LRRC31: variants seen among roughly 807,000 people sequenced by gnomAD.
The protein encoded by LRRC31 is leucine-rich repeat-containing protein 31.
In LRRC31, 35 loss-of-function variants were observed where a neutral mutation model predicts 46.7. The ratio of observed to expected loss-of-function variants is 0.75; its 90% confidence interval spans 0.57 to 0.99. LRRC31 has a LOEUF of 0.99. Among genes scored for constraint, LRRC31 ranks in the 50% least tolerant of loss-of-function variants. The pLI is 0.00. For synonymous variants in LRRC31, 236 were observed against 235.1 expected (o/e 1.00, Z -0.03); for missense variants, 613 against 626.1 (o/e 0.98, Z 0.22).
chr3:169,841,583 C>T (rs965023119), intron 8 of LRRC31, among the ~76,000 whole-genome samples: 6 of 152,130 alleles, frequency 3.9e-5, no homozygotes, highest in Admixed American at 6.5e-5. Context: ...ACAATGTGCA[C>T]GCTTTTTCTC....
In LRRC31 at chr3:169,851,729, T is replaced by A; in HGVS notation, c.1049A>T (p.Lys350Met). The A allele has an allele frequency of 6.2e-7, 1 of 1,614,164 alleles. No individual in the cohort carries two copies. The highest frequency in any genetic ancestry group is 1.1e-5 in the South Asian group (1 of 91,090). The change falls in exon 7 of 9, where the codon AAG becomes ATG. Residue 350 changes from lysine to methionine, a missense_variant. Lys to Met is a moderately conservative substitution (Grantham distance 95). Transcript: ENST00000316428. ...LQELDLSANK[K>M]MGSSSENLLS... ...TAAGTTTTCAGAAGAACTGCCCATC[T>A]TTTTGTTGGCTGATAAATCCAATTC...
intron 6 of LRRC31, 141 bp from the exon 7 acceptor site, chr3:169,851,927 A>C (rs1003003857): frequency 1.3e-4 from 98 of 737,700 alleles, no homozygotes; most frequent in East Asian, 5.4e-5. Flanking sequence ...TACACCCCAA[A>C]CCAGCCTCTT....
intron 1 of LRRC31, among the ~76,000 whole-genome samples, chr3:169,867,054 TGTTTG>T (rs551234433): frequency 0.015 from 1,891 of 129,402 alleles, 347 homozygotes; most frequent in African/African-American, 0.073. Flanking sequence ...TTTGTTTGTT[TGTTTG>T]TTTTTTTTTT....
In LRRC31 at chr3:169,839,998, T is replaced by C; in HGVS notation, c.1643A>G (p.His548Arg). The change falls in exon 9 of 9, where the codon CAT (histidine) becomes CGT (arginine). Residue 548 changes from histidine to arginine, a missense_variant. Physicochemically the swap from His to Arg is conservative, Grantham distance 29 (BLOSUM62 0). Transcript: ENST00000316428. ...QDKKRSIHFD[H>R]GGFQ ...GAAATCAGTTTACTGAAACCCACCA[T>C]GGTCAAAGTGAATGCTTCTTTTTTT... 6.2e-7 allele frequency: 1 copy of C among 1,611,944 alleles called. No homozygotes were observed. The highest frequency in any genetic ancestry group is 1.7e-4 in the Middle Eastern group (1 of 6,052).
intron 2 of LRRC31, 101 bp from the exon 3 acceptor site, chr3:169,860,829 T>TCTATTCTCTTACAGTGTA: frequency 1.6e-6 from 2 of 1,244,336 alleles, no homozygotes; most frequent in Non-Finnish European, 2.3e-6. Flanking sequence ...TTTTACACTG[T>TCTATTCTCTTACAGTGTA]AAGAGAATAG....
rs756920945 is a variant in LRRC31 at position 169,848,104 on chromosome 3, A to G, written c.1327+16T>C. On this transcript the variant is annotated intron_variant, in intron 8 of 8. Coordinates refer to ENST00000316428, the MANE Select transcript of LRRC31 (RefSeq NM_024727.4). ...CTCTGTTTGCCAAGACCGCTTGGGAACAAGTAGATACACACCCAGGAGAGC... is the reference window on the plus strand; with the variant it reads ...CTCTGTTTGCCAAGACCGCTTGGGAGCAAGTAGATACACACCCAGGAGAGC... The G allele has an allele frequency of 1.9e-6, 3 of 1,603,866 alleles. No individual in the cohort carries two copies. The highest frequency in any genetic ancestry group is 2.7e-5 in the African/African-American group (2 of 74,706).
In LRRC31 at chr3:169,851,743, T is replaced by C; in HGVS notation, c.1035A>G (p.Leu345=). 4 of 1,614,186 alleles carry C rather than the reference T, an allele frequency of 2.5e-6. No homozygotes were observed. The South Asian group carries it at 4.4e-5, about 18-fold the overall frequency. ...AACTGCCCATCTTTTTGTTGGCTGA[T>C]AAATCCAATTCTTGAAGATTTGAAA... ...PLLSNLQELD[L]SANKKMGSSS... Residue 345 remains leucine (L), a synonymous_variant, in exon 7 of 9, where the codon TTA becomes TTG. Transcript: ENST00000316428.
chr3:169,848,008 G>A (rs1780655259), intron 8 of LRRC31, 112 bp downstream of exon 8: 3 of 996,766 alleles, frequency 3.0e-6, no homozygotes, highest in Non-Finnish European at 3.0e-6. Flanking sequence ...AATCTGCACA[G>A]AGGGCTTCAC....
intron 8 of LRRC31, among the ~76,000 whole-genome samples, chr3:169,845,165 A>G (rs548769548): frequency 7.9e-5 from 12 of 152,176 alleles, no homozygotes; most frequent in Non-Finnish European, 1.5e-4. Context: ...CTCAGATATA[A>G]ATTTAACAAA....
intron 8 of LRRC31, among the ~76,000 whole-genome samples, chr3:169,842,607 T>G (rs1400828461): frequency 6.6e-6 from 1 of 152,206 alleles, no homozygotes; most frequent in East Asian, 1.9e-4. Context: ...TGCCTTGTCC[T>G]CTCAAAGTGC....
intron 8 of LRRC31, among the ~76,000 whole-genome samples, chr3:169,844,930 C>CAAAAAAAAAAAAAAAAA (rs59099192): frequency 1.0e-5 from 1 of 99,628 alleles, no homozygotes; most frequent in Non-Finnish European, 2.2e-5. Flanking sequence ...GACTCCATCT[C>CAAAAAAAAAAAAAAAAA]AAAAAAAAAA....
In LRRC31 at chr3:169,840,256, T is replaced by C. The variant is rs1349987412; in HGVS notation, c.1385A>G (p.Asn462Ser). The change falls in exon 9 of 9, where the codon AAT (asparagine) becomes AGT (serine). Residue 462 changes from asparagine (N) to serine (S), a missense_variant. Physicochemically the swap from Asn to Ser is conservative, Grantham distance 46 (BLOSUM62 1). Transcript: ENST00000316428. ...AKLQKLDLSY[N>S]DSICDAGWTM... The stretch of plus-strand genomic sequence containing the variant: ...CCACCCCGCATCACAGATGCTGTCA[T>C]TGTAGCTCAGGTCCAGCTTTTGCAG... 1.2e-6 allele frequency: 2 copies of C among 1,613,998 alleles called. No homozygotes were observed. Among genetic ancestry groups the C allele is most frequent in the African/African-American group, 1.3e-5 (1 of 74,912 alleles).
chr3:169,852,372 C>G (rs1258148406), intron 6 of LRRC31, among the ~76,000 whole-genome samples: 1 of 142,626 alleles, frequency 7.0e-6, no homozygotes, highest in Non-Finnish European at 1.5e-5. Context: ...CACTGCACTC[C>G]AGCCCGGGCG....
At chr3:169,865,864 G>A (rs1781314122) in intron 1 of LRRC31, among the ~76,000 whole-genome samples, 2 of 152,106 alleles carry the variant, frequency 1.3e-5, no homozygotes, top group African/African-American at 4.8e-5. Flanking sequence ...GGGGTTGCAG[G>A]GGAGGATGGT....
In LRRC31 at chr3:169,856,776, T is replaced by C. The variant is rs745410840; in HGVS notation, c.584A>G (p.Gln195Arg). 1.2e-6 allele frequency: 2 copies of C among 1,609,610 alleles called. No individual in the cohort carries two copies. Among genetic ancestry groups the C allele is most frequent in the African/African-American group, 1.3e-5 (1 of 74,722 alleles). ...AATCATTTGTATCTTGCTCCCTTTT[T>C]GGAACTTCTGAAGGATCAGAGGCAA... ...GNLPLILQKF[Q>R]KGSKIQMIEL... The change falls in exon 4 of 9, where the codon CAA becomes CGA. Residue 195 changes from glutamine (Q) to arginine (R), a missense_variant. Transcript: ENST00000316428.
At chr3:169,851,878 G>A in intron 6 of LRRC31, 92 bp from the exon 7 acceptor site, 3 of 1,299,976 alleles carry the variant, frequency 2.3e-6, no homozygotes, top group Non-Finnish European at 3.3e-6. Flanking sequence ...TAATCTGTCA[G>A]TCAATACAGC....
chr3:169,845,904 T>G (rs897269596), intron 8 of LRRC31, among the ~76,000 whole-genome samples: 1 of 152,054 alleles, frequency 6.6e-6, no homozygotes, highest in African/African-American at 2.4e-5. Context: ...ATCAAGAGAA[T>G]GAAAAAGCCA....
intron 7 of LRRC31, 58 bp from the exon 8 acceptor site, chr3:169,848,345 T>C: frequency 6.5e-7 from 1 of 1,535,468 alleles, no homozygotes; most frequent in Non-Finnish European, 8.9e-7. Context: ...GATCATAGGC[T>C]TTGGATTTGA....
intron 8 of LRRC31, among the ~76,000 whole-genome samples, chr3:169,842,777 G>A (rs1780490236): frequency 6.6e-6 from 1 of 152,100 alleles, no homozygotes. Flanking sequence ...AATGGCTGAA[G>A]ACATGGTGAA....
Sources: allele counts gnomAD v4.1 joint callset (sites outside exome capture counted in the v4.1 genomes callset), GRCh38; gene constraint gnomAD v4.1.1; transcripts MANE v1.5; gene names NCBI Gene and HGNC (gene_info 2026-07-23, HGNC 2026-07-21).